PDGFC: variants seen among roughly 807,000 people sequenced by gnomAD.
PDGFC encodes the protein platelet-derived growth factor C.
A neutral mutation model predicts 35.5 loss-of-function variants in PDGFC; 12 were observed. The observed-to-expected ratio is 0.34, with a 90% confidence interval of 0.22 to 0.55. PDGFC has a LOEUF of 0.55. Among genes scored for constraint, PDGFC ranks in the 20% least tolerant of loss-of-function variants. The probability of loss-of-function intolerance (pLI) is 0.91; values close to 1 mark genes in which losing one functional copy is unlikely to be tolerated. For synonymous variants in PDGFC, 159 were observed against 148.8 expected (o/e 1.07, Z -0.50); for missense variants, 322 against 412.4 (o/e 0.78, Z 1.90).
In PDGFC at chr4:156,936,158, G is replaced by A. The variant is rs560023341; in HGVS notation, c.118+34628C>T. On this transcript the variant is annotated intron_variant, in intron 1 of 5. Transcript: ENST00000502773. ...AGCTCTGTGACTTCCCATCACAGTT[G>A]GATCTGTCTTTTAGTGAAATCAGTA... 1.1e-3 allele frequency among the ~76,000 whole-genome samples: 172 copies of A among 152,262 alleles called. 1 individual carries two copies. The highest frequency in any genetic ancestry group is 2.2e-3 in the Non-Finnish European group (152 of 68,018).
rs566386730 is a variant in PDGFC at position 156,805,127 on chromosome 4, T to A, written c.495+5710A>T. 9.2e-5 allele frequency among the ~76,000 whole-genome samples: 14 copies of A among 152,164 alleles called. No homozygotes were observed. In the South Asian group the frequency reaches 2.5e-3, roughly 27 times the overall value. On this transcript the variant is annotated intron_variant, in intron 3 of 5. Transcript: ENST00000502773. ...AGAGAGCATTGTGCCCATGGAGAAG[T>A]GGAATTGAAAAATATATTAAGCAAT...
At chr4:156,929,461 CAAA>C (rs34830477) in intron 1 of PDGFC, among the ~76,000 whole-genome samples, 2 of 112,728 alleles carry the variant, frequency 1.8e-5, no homozygotes, top group Admixed American at 9.4e-5. Context: ...GCATTCGTAG[CAAA>C]AAAAAAAAAA....
chr4:156,823,840 T>C (rs1386751901), intron 2 of PDGFC, among the ~76,000 whole-genome samples: 1 of 152,150 alleles, frequency 6.6e-6, no homozygotes, highest in Admixed American at 6.5e-5. Flanking sequence ...TAAGTGTCCA[T>C]CAACGAATAA....
chr4:156,971,169 G>A lies in PDGFC; in HGVS notation c.-266C>T, dbSNP rs1432505909. 3.2e-5 allele frequency: 13 copies of A among 412,054 alleles called. No homozygotes were observed. The highest frequency in any genetic ancestry group is 3.4e-5 in the Non-Finnish European group (8 of 233,706). The allele number at this position is 412,054 out of a possible 1,614,324, so 25.5% of individuals were successfully genotyped here. On this transcript the variant is annotated 5_prime_UTR_variant, in exon 1 of 6. Coordinates refer to ENST00000502773, the MANE Select transcript of PDGFC (RefSeq NM_016205.3). Reference sequence around the variant, plus strand: ...CCAAGGTTTAAACAAATCCTGAGCTGTGGCGAAGTGGTGGGGGTGGGGGTG... The same window carrying A: ...CCAAGGTTTAAACAAATCCTGAGCTATGGCGAAGTGGTGGGGGTGGGGGTG...
intron 1 of PDGFC, among the ~76,000 whole-genome samples, chr4:156,945,409 A>T (rs1170120887): frequency 7.2e-6 from 1 of 138,934 alleles, no homozygotes; most frequent in Non-Finnish European, 1.5e-5. Context: ...GGGAAAATTC[A>T]CAACAGTAAT....
intron 2 of PDGFC, among the ~76,000 whole-genome samples, chr4:156,821,733 A>T (rs566831859): frequency 6.6e-6 from 1 of 152,096 alleles, no homozygotes; most frequent in African/African-American, 2.4e-5. Flanking sequence ...TATTTTTAGT[A>T]GAGACGGGGT....
intron 1 of PDGFC, chr4:156,967,538 T>G (rs1732495155): frequency 6.6e-6 from 1 of 152,148 alleles, no homozygotes; most frequent in African/African-American, 2.4e-5. Flanking sequence ...ATACGCATGC[T>G]CTTAATCTAT....
At position 156,761,010 on chromosome 4, in the gene PDGFC, A is replaced by C. The variant is rs2288244; in HGVS notation, c.*2080T>G. 10,402 of 152,266 alleles carry C rather than the reference A, an allele frequency of 0.068. 460 individuals carry two copies. The highest frequency in any genetic ancestry group is 0.12 in the Middle Eastern group (36 of 294). 9.4% of individuals were successfully genotyped at this position (152,266 alleles called of 1,614,324 possible). ...GAAGTAAGACAGAACACATAGGCTCATTTTGTTTCTTTGTTTTCCACATAG... is the reference window on the plus strand; with the variant it reads ...GAAGTAAGACAGAACACATAGGCTCCTTTTGTTTCTTTGTTTTCCACATAG... On this transcript the variant is annotated 3_prime_UTR_variant, in exon 6 of 6. Transcript: ENST00000502773.
At chr4:156,849,435 CAA>C (rs1005302290) in intron 2 of PDGFC, among the ~76,000 whole-genome samples, 49 of 151,872 alleles carry the variant, frequency 3.2e-4, no homozygotes, top group African/African-American at 1.1e-3. Context: ...ACTTGTATAT[CAA>C]AGAGAAAATA....
intron 1 of PDGFC, among the ~76,000 whole-genome samples, chr4:156,950,337 T>C (rs1040571415): frequency 6.6e-6 from 1 of 151,904 alleles, no homozygotes; most frequent in Non-Finnish European, 1.5e-5. Context: ...ATAACCTTAC[T>C]AAAATAACAT....
chr4:156,891,861 T>G (rs1396556533), intron 1 of PDGFC, among the ~76,000 whole-genome samples: 2 of 152,294 alleles, frequency 1.3e-5, no homozygotes, highest in Non-Finnish European at 2.9e-5. Flanking sequence ...TCATTCCCCC[T>G]AAAAAGAAAC....
At chr4:156,841,053 A>C (rs1035784574) in intron 2 of PDGFC, among the ~76,000 whole-genome samples, 5 of 150,980 alleles carry the variant, frequency 3.3e-5, no homozygotes, top group Non-Finnish European at 5.9e-5. Flanking sequence ...TTGGACTTGG[A>C]CTTTTGGGTT....
At chr4:156,958,069 T>C (rs976581893) in intron 1 of PDGFC, among the ~76,000 whole-genome samples, 1 of 152,032 alleles carries the variant, frequency 6.6e-6, no homozygotes, top group Non-Finnish European at 1.5e-5. Flanking sequence ...TTTCTCTGAA[T>C]TCCCACCAAA....
chr4:156,903,115 G>GTGTGTGTGTGTA (rs1560865588), intron 1 of PDGFC, among the ~76,000 whole-genome samples: 5 of 139,898 alleles, frequency 3.6e-5, no homozygotes, highest in African/African-American at 1.2e-4. Context: ...GTGTGTGTGT[G>GTGTGTGTGTGTA]TGTGTGTGTG....
rs923790419 is a variant in PDGFC at position 156,782,512 on chromosome 4, T to C, written c.496-9619A>G. Among the ~76,000 whole-genome samples, 10 of 152,096 alleles carry C rather than the reference T, an allele frequency of 6.6e-5. No homozygotes were observed. The South Asian group carries it at 2.1e-3, about 32-fold the overall frequency. On this transcript the variant is annotated intron_variant, in intron 3 of 5. Coordinates refer to ENST00000502773, the MANE Select transcript of PDGFC (RefSeq NM_016205.3). Reference sequence around the variant, plus strand: ...AATTATTTTGTGAAGTGTTTGGGCATTTTTTTTACATTTTTAAATCACTCT... The same window carrying C: ...AATTATTTTGTGAAGTGTTTGGGCACTTTTTTTACATTTTTAAATCACTCT...
At chr4:156,821,165 T>TTG (rs1381073019) in intron 2 of PDGFC, among the ~76,000 whole-genome samples, 5 of 118,168 alleles carry the variant, frequency 4.2e-5, no homozygotes, top group African/African-American at 2.6e-4. Flanking sequence ...ATGTTGCCTG[T>TTG]TGTATGTGTG....
intron 1 of PDGFC, among the ~76,000 whole-genome samples, chr4:156,917,954 C>CT (rs1229490150): frequency 2.6e-5 from 4 of 152,074 alleles, no homozygotes; most frequent in Non-Finnish European, 4.4e-5. Context: ...AGGAAAAATG[C>CT]TTTTTTGAAT....
intron 5 of PDGFC, among the ~76,000 whole-genome samples, chr4:156,767,455 T>C (rs1730569780): frequency 6.6e-6 from 1 of 152,028 alleles, no homozygotes; most frequent in Non-Finnish European, 1.5e-5. Context: ...CTTCATATTT[T>C]GAAAAGTTTA....
chr4:156,851,238 G>A (rs28525616), intron 1 of PDGFC, among the ~76,000 whole-genome samples: 5,039 of 152,120 alleles, frequency 0.033, 306 homozygotes, highest in African/African-American at 0.12. Context: ...CAAAATAATG[G>A]TCTCAATTTC....
Sources: gnomAD v4.1 joint callset for allele counts (sites outside exome capture counted in the v4.1 genomes callset) on GRCh38, gnomAD v4.1.1 for gene constraint, MANE v1.5 for transcripts, NCBI Gene and HGNC (gene_info 2026-07-23, HGNC 2026-07-21) for gene names.